Variants in BCL11B observed in about 807,000 individuals in gnomAD.
The protein encoded by BCL11B is BCL11 transcription factor B.
Under a neutral mutation model 49.9 loss-of-function variants are expected in BCL11B, and 8 were observed. The ratio of observed to expected loss-of-function variants is 0.16; its 90% CI spans 0.09 to 0.29. The LOEUF (loss-of-function observed/expected upper bound fraction) is 0.29, where lower values mean the gene tolerates loss of function less well. Ranked by LOEUF, BCL11B falls within the 10% of genes least tolerant of loss-of-function variation. The pLI is 1.00. For synonymous variants in BCL11B, 739 were observed against 637.4 expected (o/e 1.16, Z -2.40); for missense variants, 1,006 against 1,351.0 (o/e 0.74, Z 4.00).
chr14:99,270,435 G>T (rs1231474225), intron 1 of BCL11B, among the ~76,000 whole-genome samples: 1 of 133,326 alleles, frequency 7.5e-6, no homozygotes, highest in Non-Finnish European at 1.6e-5. Context: ...TGAAGTGGGG[G>T]AAAGAAGACA....
chr14:99,217,041 T>C (rs1887859854), intron 3 of BCL11B, among the ~76,000 whole-genome samples: 1 of 152,138 alleles, frequency 6.6e-6, no homozygotes. Context: ...CATATACACA[T>C]GCATGCACAT....
In BCL11B at chr14:99,189,905, AG is replaced by A. The variant is rs1886971903; in HGVS notation, c.641-13711del. On this transcript the variant is annotated intron_variant, in intron 3 of 3. Transcript: ENST00000357195. Reference sequence around the variant, plus strand: ...AATTGAAGCCTAGAGGTCCAGGCCCAGGGGAGGTGGAGTTCTGTGAATTCCA... The same window carrying A: ...AATTGAAGCCTAGAGGTCCAGGCCCAGGGAGGTGGAGTTCTGTGAATTCCA... 6.6e-5 allele frequency among the ~76,000 whole-genome samples: 10 copies of A among 152,302 alleles called. 1 individual carries two copies. The South Asian group carries it at 2.1e-3, about 32-fold the overall frequency.
At chr14:99,235,953 T>A (rs559813606) in intron 2 of BCL11B, among the ~76,000 whole-genome samples, 228 of 152,208 alleles carry the variant, frequency 1.5e-3, no homozygotes, top group African/African-American at 5.4e-3. Context: ...CGCCAGAGCC[T>A]GTAATGAGGG....
chr14:99,254,616 C>T (rs760621699), intron 2 of BCL11B, among the ~76,000 whole-genome samples: 13 of 152,228 alleles, frequency 8.5e-5, no homozygotes, highest in Non-Finnish European at 1.6e-4. Context: ...AACAGCCACC[C>T]GCTCACCAGC....
Position 99,257,319 on chromosome 14 carries a change from G to A in BCL11B, c.427+152C>T. On this transcript the variant is annotated intron_variant, in intron 2 of 3. Coordinates refer to ENST00000357195, the MANE Select transcript of BCL11B (RefSeq NM_138576.4). The surrounding 1 kb of genome is among the most constrained non-coding windows in gnomAD (Gnocchi z 6.2). ...GTCTCCTCCTGAAGGTCACCTGGATGGTGGACCCTCAGAAAGGGGGAGCCC... is the reference window on the plus strand; with the variant it reads ...GTCTCCTCCTGAAGGTCACCTGGATAGTGGACCCTCAGAAAGGGGGAGCCC... The A allele has an allele frequency of 1.9e-6, 2 of 1,051,538 alleles. No individual in the cohort carries two copies. The highest frequency in any genetic ancestry group is 1.3e-6 in the Non-Finnish European group (1 of 759,700). The allele number at this position is 1,051,538 out of a possible 1,614,324, so 65.1% of individuals were successfully genotyped here. A position where few individuals can be genotyped will look rare whatever the true frequency, so the allele number is the denominator to read the frequency against.
In BCL11B at chr14:99,231,327, C is replaced by A; in HGVS notation, c.640+18G>T. 6.2e-7 allele frequency: 1 copy of A among 1,606,538 alleles called. No homozygotes were observed. The highest frequency in any genetic ancestry group is 2.2e-5 in the East Asian group (1 of 44,640). ...GCCATCCCGGGGGCCCGCCCCCCAC[C>A]GCGGCGTCGTCTGTTACCTGACAAC... On this transcript the variant is annotated intron_variant, in intron 3 of 3. Coordinates refer to ENST00000357195, the MANE Select transcript of BCL11B (RefSeq NM_138576.4). This position sits in a 1 kb window ranked among gnomAD's most constrained non-coding sequence, Gnocchi z 8.1.
Position 99,183,186 on chromosome 14 carries a change from C to T in BCL11B, c.641-6991G>A, listed in dbSNP as rs970255831. Among the ~76,000 whole-genome samples, 4 of 152,096 alleles carry T rather than the reference C, an allele frequency of 2.6e-5. No individual in the cohort carries two copies. The South Asian group carries it at 6.2e-4, about 24-fold the overall frequency. On this transcript the variant is annotated intron_variant, in intron 3 of 3. Transcript: ENST00000357195. Reference sequence around the variant, plus strand: ...TTTGACTCACCTTGGGGGTTCAGAACCCACATGATGCCAGACCCACCCACA... The same window carrying T: ...TTTGACTCACCTTGGGGGTTCAGAATCCACATGATGCCAGACCCACCCACA...
Position 99,175,855 on chromosome 14 carries a change from C to A in BCL11B, c.981G>T (p.Pro327=). The change falls in exon 4 of 4, where the codon CCG becomes CCT. Residue 327 remains proline (P), a synonymous_variant. Transcript: ENST00000357195. ...FSPPPRHHLD[P]HRLSAEEMGL... is the part of the protein sequence containing the mutation. ...CCATCTCCTCGGCACTGAGGCGGTG[C>A]GGGTCCAGGTGGTGGCGCGGCGGGG... 2.7e-6 allele frequency: 4 copies of A among 1,477,114 alleles called. No homozygotes were observed. Among genetic ancestry groups the A allele is most frequent in the Non-Finnish European group, 3.6e-6 (4 of 1,119,494 alleles). The allele number at this position is 1,477,114 out of a possible 1,614,324, so 91.5% of individuals were successfully genotyped here.
At chr14:99,269,522 C>CG (rs991496928) in intron 1 of BCL11B, among the ~76,000 whole-genome samples, 12 of 132,656 alleles carry the variant, frequency 9.0e-5, no homozygotes, top group Non-Finnish European at 2.0e-4. Flanking sequence ...TATTCCCCCC[C>CG]CCCCAAAAAA....
chr14:99,254,616 C>G (rs760621699), intron 2 of BCL11B, among the ~76,000 whole-genome samples: 1 of 152,228 alleles, frequency 6.6e-6, no homozygotes, highest in Admixed American at 6.5e-5. Context: ...AACAGCCACC[C>G]GCTCACCAGC....
chr14:99,239,759 T>G (rs970409070), intron 2 of BCL11B, among the ~76,000 whole-genome samples: 1 of 152,160 alleles, frequency 6.6e-6, no homozygotes, highest in Non-Finnish European at 1.5e-5. Flanking sequence ...GTTTACAAAC[T>G]GGGGAGTTCA....
In BCL11B at chr14:99,257,565, C is replaced by T. The variant is rs772555003; in HGVS notation, c.333G>A (p.Glu111=). 6.2e-7 allele frequency: 1 copy of T among 1,614,158 alleles called. No individual in the cohort carries two copies. Among genetic ancestry groups the T allele is most frequent in the Non-Finnish European group, 8.5e-7 (1 of 1,180,016 alleles). ...TGACTTGGATCCCGATCTCCACCGG[C>T]TCGGACACTTTCCTGAGCTCGGAGC... ...SSRSELRKVS[E]PVEIGIQVTP... Residue 111 remains glutamate, a synonymous_variant, in exon 2 of 4, where the codon GAG becomes GAA. Transcript: ENST00000357195. The surrounding 1 kb of genome is among the most constrained non-coding windows in gnomAD (Gnocchi z 6.2).
chr14:99,212,613 T>G (rs1887720125), intron 3 of BCL11B, among the ~76,000 whole-genome samples: 2 of 152,072 alleles, frequency 1.3e-5, no homozygotes, highest in South Asian at 4.1e-4. Context: ...GGTGTCTCCA[T>G]GGGTAAGTAC....
chr14:99,235,917 T>G (rs1330831429), intron 2 of BCL11B, among the ~76,000 whole-genome samples: 1 of 151,444 alleles, frequency 6.6e-6, no homozygotes, highest in Non-Finnish European at 1.5e-5. Flanking sequence ...AAAAAAAAGC[T>G]CTGGGCAGCA....
chr14:99,264,864 C>A (rs973079608), intron 1 of BCL11B: 1 of 152,242 alleles, frequency 6.6e-6, no homozygotes, highest in African/African-American at 2.4e-5. Flanking sequence ...TTTTTACCCA[C>A]GCCCTGGGAA....
chr14:99,181,840 C>A (rs932162352), intron 3 of BCL11B, among the ~76,000 whole-genome samples: 10 of 152,198 alleles, frequency 6.6e-5, no homozygotes, highest in African/African-American at 2.2e-4. Flanking sequence ...GTACCCAGTA[C>A]CCAAGGAGAT....
rs181870915 is a variant in BCL11B at position 99,186,469 on chromosome 14, G to A, written c.641-10274C>T. 3.9e-5 allele frequency among the ~76,000 whole-genome samples: 6 copies of A among 152,302 alleles called. No individual in the cohort carries two copies. The East Asian group carries it at 7.7e-4, about 20-fold the overall frequency. ...TTGGAGGCGGAGGTTGCAGTGAGCC[G>A]AGGTCGCACCACTGCACTCCAGCCT... is the stretch of plus-strand genomic sequence containing the variant. On this transcript the variant is annotated intron_variant, in intron 3 of 3. Coordinates refer to ENST00000357195, the MANE Select transcript of BCL11B (RefSeq NM_138576.4).
chr14:99,244,557 T>C (rs1438954276), intron 2 of BCL11B, among the ~76,000 whole-genome samples: 3 of 152,224 alleles, frequency 2.0e-5, no homozygotes, highest in African/African-American at 7.2e-5. Flanking sequence ...TCTATCTTGT[T>C]AGACCCACTG....
chr14:99,250,643 C>T (rs1233176528), intron 2 of BCL11B, among the ~76,000 whole-genome samples: 2 of 151,928 alleles, frequency 1.3e-5, no homozygotes, highest in Admixed American at 6.6e-5. Flanking sequence ...CTGTCAAATG[C>T]CTGATTAAAA....
Sources: gnomAD v4.1 joint callset for allele counts (sites outside exome capture counted in the v4.1 genomes callset) on GRCh38, gnomAD v4.1.1 for gene constraint, Gnocchi (gnomAD v3.1) non-coding constraint, MANE v1.5 for transcripts, NCBI Gene and HGNC (gene_info 2026-07-23, HGNC 2026-07-21) for gene names.